The following LRRD1 variants were observed in gnomAD, a reference collection of about 807,000 sequenced individuals.
The protein encoded by LRRD1 is leucine rich repeats and death domain containing 1.
Under a neutral mutation model 69.5 loss-of-function variants are expected in LRRD1, and 49 were observed. The ratio of observed to expected loss-of-function variants is 0.70; its 90% CI spans 0.56 to 0.89. The LOEUF (loss-of-function observed/expected upper bound fraction) is 0.89. LRRD1 is among the 40% of genes least tolerant of loss of function. The pLI is 0.00. For missense variants in LRRD1, 853 were observed against 956.0 expected, an observed-to-expected ratio of 0.89 and a Z score of 1.42; for synonymous variants, 303 against 338.9, an observed-to-expected ratio of 0.89 and a Z score of 1.16.
At chr7:92,145,830 C>T (rs1820311772) in intron 5 of LRRD1, among the ~76,000 whole-genome samples, 1 of 152,166 alleles carries the variant, frequency 6.6e-6, no homozygotes, top group Admixed American at 6.5e-5. Context: ...ACCAAGTCAT[C>T]AAGAAGTTAA....
rs564162383 is a variant in LRRD1 at position 92,160,340 on chromosome 7, A to T, written c.1918-1137T>A. Among the ~76,000 whole-genome samples, 53 of 152,360 alleles carry T rather than the reference A, an allele frequency of 3.5e-4. No homozygotes were observed. In the Middle Eastern group the frequency reaches 0.01, roughly 29 times the overall value. ...TAGTCTCCAACTTCACGGAGATTAA[A>T]TTTTATTTTAGGGAACAGAATATAT... On this transcript the variant is annotated intron_variant, in intron 2 of 5. Coordinates refer to ENST00000458448, the MANE Select transcript of LRRD1 (RefSeq NM_001161528.2).
intron 1 of LRRD1, among the ~76,000 whole-genome samples, chr7:92,167,627 C>T (rs971070591): frequency 6.6e-6 from 1 of 151,468 alleles, no homozygotes; most frequent in African/African-American, 2.4e-5. Context: ...CCTGTAATCC[C>T]AGCACTTTGG....
chr7:92,154,654 G>C (rs966442475), intron 3 of LRRD1, among the ~76,000 whole-genome samples: 3 of 151,918 alleles, frequency 2.0e-5, no homozygotes, highest in East Asian at 3.9e-4. Flanking sequence ...TTCATTTTGA[G>C]GTAATATTTT....
At chr7:92,153,613 T>G (rs1788574786) in intron 3 of LRRD1, among the ~76,000 whole-genome samples, 1 of 151,302 alleles carries the variant, frequency 6.6e-6, no homozygotes, top group African/African-American at 2.4e-5. Context: ...GTGGATAACT[T>G]GAGGTCAGGA....
intron 2 of LRRD1, among the ~76,000 whole-genome samples, chr7:92,160,705 C>T (rs1788777990): frequency 6.6e-6 from 1 of 152,076 alleles, no homozygotes; most frequent in South Asian, 2.1e-4. Context: ...CCCAGCTACT[C>T]AGGAGCCTGA....
downstream of LRRD1, chr7:92,142,593 C>T (rs1054298668): frequency 1.6e-5 from 7 of 449,758 alleles, no homozygotes; most frequent in Non-Finnish European, 2.7e-5. Context: ...AGTATGAAGC[C>T]GACCCTCACG....
In LRRD1 at chr7:92,163,953, A is replaced by C. The variant is rs1788845495; in HGVS notation, c.1250T>G (p.Leu417Arg). 5 of 1,536,274 alleles carry C rather than the reference A, an allele frequency of 3.3e-6. No homozygotes were observed. Among genetic ancestry groups the C allele is most frequent in the Non-Finnish European group, 4.4e-6 (5 of 1,141,712 alleles). ...TACATGGAGTTTTCTTAAATTGTTA[A>C]GCTTATGGATGTACTTAGGGAGTTC... The part of the protein sequence containing the change: ...LTELPKYIHK[L>R]NNLRKLHVNR... Residue 417 changes from leucine (L) to arginine (R), a missense_variant, in exon 2 of 6, where the codon CTT (leucine) becomes CGT (arginine). Physicochemically the swap from Leu to Arg is moderately radical, Grantham distance 102. Transcript: ENST00000458448.
At chr7:92,148,237 T>C (rs1820377712) in intron 4 of LRRD1, among the ~76,000 whole-genome samples, 1 of 152,112 alleles carries the variant, frequency 6.6e-6, no homozygotes, top group Admixed American at 6.6e-5. Context: ...CTATACTTGA[T>C]CTTAGCCAAA....
intron 1 of LRRD1, among the ~76,000 whole-genome samples, chr7:92,175,277 T>A (rs1789167404): frequency 6.6e-6 from 1 of 152,174 alleles, no homozygotes; most frequent in African/African-American, 2.4e-5. Context: ...CTTAAGAAAT[T>A]CTTCTACATT....
At chr7:92,142,658 C>A (rs191925719), downstream of LRRD1, 288 of 407,802 alleles carry the variant, frequency 7.1e-4, 1 homozygote, top group African/African-American at 5.4e-3. Context: ...TTCTGATGTT[C>A]GGATGTGTTC....
At chr7:92,150,464 C>A (rs2130986494) in intron 4 of LRRD1, 70 bp downstream of exon 4, 1 of 1,337,026 alleles carries the variant, frequency 7.5e-7, no homozygotes, top group East Asian at 2.6e-5. Context: ...GACCCTGTCT[C>A]CAAAAATATT....
intron 1 of LRRD1, among the ~76,000 whole-genome samples, chr7:92,166,895 A>G (rs952967850): frequency 1.3e-5 from 2 of 152,174 alleles, no homozygotes; most frequent in Admixed American, 6.5e-5. Flanking sequence ...TCTATTTAAC[A>G]TTGTACTGAG....
chr7:92,146,661 C>T (rs1314247629), intron 4 of LRRD1, among the ~76,000 whole-genome samples: 1 of 150,234 alleles, frequency 6.7e-6, no homozygotes, highest in Non-Finnish European at 1.5e-5. Flanking sequence ...TGGCTCATGC[C>T]TGTAATCCCA....
chr7:92,163,763 T>C lies in LRRD1; in HGVS notation c.1440A>G (p.Pro480=). The C allele has an allele frequency of 6.6e-7, 1 of 1,509,168 alleles. No individual in the cohort carries two copies. Among genetic ancestry groups the C allele is most frequent in the Non-Finnish European group, 8.8e-7 (1 of 1,132,792 alleles). 93.5% of individuals were successfully genotyped at this position (1,509,168 alleles called of 1,614,324 possible). Residue 480 remains proline, a synonymous_variant, in exon 2 of 6, where the codon CCA becomes CCG. Coordinates refer to ENST00000458448, the MANE Select transcript of LRRD1 (RefSeq NM_001161528.2). ...ELSYNKIMYF[P]LGLCALDSLY... is the part of the protein sequence containing the mutation. ...GAGAATCTAAAGCACACAGTCCCAA[T>C]GGAAAATACATTATTTTGTTATAAC... is the stretch of plus-strand genomic sequence containing the variant.
In LRRD1 at chr7:92,150,658, A is replaced by G. The variant is rs1820443760; in HGVS notation, c.2154T>C (p.Asn718=). The G allele has an allele frequency of 6.5e-7, 1 of 1,548,566 alleles. No individual in the cohort carries two copies. The highest frequency in any genetic ancestry group is 1.2e-5 in the South Asian group (1 of 83,992). Residue 718 remains asparagine (N), a synonymous_variant, in exon 4 of 6, where the codon AAT becomes AAC. Coordinates refer to ENST00000458448, the MANE Select transcript of LRRD1 (RefSeq NM_001161528.2). ...NLTALPSAIY[N]IFSLKEINFD... Reference sequence around the variant, plus strand: ...AATTTATCTCCTTCAGTGAAAAAATATTGTAGATAGCACTAGGTAGAGCTG... The same window carrying G: ...AATTTATCTCCTTCAGTGAAAAAATGTTGTAGATAGCACTAGGTAGAGCTG...
intron 2 of LRRD1, among the ~76,000 whole-genome samples, chr7:92,161,354 G>A (rs969371937): frequency 5.3e-5 from 8 of 152,194 alleles, no homozygotes; most frequent in Non-Finnish European, 1.5e-5. Context: ...TTTTCCATTT[G>A]ATGACCTTTG....
At chr7:92,173,618 A>G (rs1239494364) in intron 1 of LRRD1, among the ~76,000 whole-genome samples, 1 of 152,210 alleles carries the variant, frequency 6.6e-6, no homozygotes, top group Non-Finnish European at 1.5e-5. Context: ...TGCAAATCAA[A>G]CCACAATGAG....
chr7:92,158,797 T>C (rs1276870509), intron 3 of LRRD1, among the ~76,000 whole-genome samples: 1 of 152,256 alleles, frequency 6.6e-6, no homozygotes, highest in Non-Finnish European at 1.5e-5. Context: ...AATGAAAATA[T>C]GTTCAGGCTC....
At chr7:92,166,253 G>A (rs1284415141) in intron 1 of LRRD1, among the ~76,000 whole-genome samples, 1 of 152,142 alleles carries the variant, frequency 6.6e-6, no homozygotes, top group Non-Finnish European at 1.5e-5. Flanking sequence ...TAGCCTTAGG[G>A]TTGGTAGCTA....
Sources: gnomAD v4.1 joint callset for allele counts (sites outside exome capture counted in the v4.1 genomes callset) on GRCh38, gnomAD v4.1.1 for gene constraint, MANE v1.5 for transcripts, NCBI Gene and HGNC (gene_info 2026-07-23, HGNC 2026-07-21) for gene names.